The following GABRB1 variants were observed in gnomAD, a reference collection of about 807,000 sequenced individuals.
The protein encoded by GABRB1 is gamma-aminobutyric acid type A receptor subunit beta1, also known as gamma-aminobutyric acid receptor subunit beta-1.
A neutral mutation model predicts 51.6 loss-of-function variants in GABRB1; 17 were observed. The ratio of observed to expected loss-of-function variants is 0.33; its 90% CI spans 0.23 to 0.49. GABRB1 has a LOEUF of 0.49. GABRB1 is among the 20% of genes least tolerant of loss of function. The pLI, the probability that GABRB1 is intolerant of heterozygous loss-of-function variation, is 0.99. For missense variants in GABRB1, 410 were observed against 600.6 expected (o/e 0.68, Z 3.32); for synonymous variants, 247 against 218.9 (o/e 1.13, Z -1.14).
intron 4 of GABRB1, among the ~76,000 whole-genome samples, chr4:47,169,934 C>T (rs1199605197): frequency 6.6e-6 from 1 of 152,146 alleles, no homozygotes; most frequent in Non-Finnish European, 1.5e-5. Flanking sequence ...CACTGCTCAC[C>T]ATTATAGAAA....
chr4:47,406,692 A>G lies in GABRB1; in HGVS notation c.846A>G (p.Thr282=), dbSNP rs6289. The G allele has an allele frequency of 0.3, 478,812 of 1,613,724 alleles. 74,786 individuals are homozygous for G. The highest frequency in any genetic ancestry group is 0.39 in the Middle Eastern group (2,348 of 6,054). The part of the protein sequence containing the change: ...SAARVALGIT[T]VLTMTTISTH... ...CTTTCTCTTTCACAGGAATCACGAC[A>G]GTGCTTACAATGACAACCATCAGCA... The change falls in exon 8 of 9, where the codon ACA becomes ACG. Residue 282 remains threonine (T), a synonymous_variant. Transcript: ENST00000295454.
chr4:47,075,339 G>T lies in GABRB1; in HGVS notation c.240+42855G>T, dbSNP rs543366826. On this transcript the variant is annotated intron_variant, in intron 3 of 8. Transcript: ENST00000295454. ...ATATATACAAATCAGGAGACATACC[G>T]GATGCCGTTACAGTAATTAATTCAG... Among the ~76,000 whole-genome samples, 9 of 152,092 alleles carry T rather than the reference G, an allele frequency of 5.9e-5. 1 individual carries two copies. Among genetic ancestry groups the T allele is most frequent in the Admixed American group, 5.9e-4 (9 of 15,254 alleles).
intron 4 of GABRB1, among the ~76,000 whole-genome samples, chr4:47,177,726 A>G (rs1718759549): frequency 6.6e-6 from 1 of 151,970 alleles, no homozygotes; most frequent in Admixed American, 6.6e-5. Context: ...AACTTCTCTG[A>G]GCCTCAGTTT....
intron 4 of GABRB1, among the ~76,000 whole-genome samples, chr4:47,242,373 A>C (rs62303984): frequency 2.0e-4 from 30 of 152,122 alleles, no homozygotes; most frequent in African/African-American, 7.2e-4. Context: ...TTATAGCAGC[A>C]TGATTTATAA....
intron 4 of GABRB1, among the ~76,000 whole-genome samples, chr4:47,204,537 C>A (rs947875504): frequency 7.9e-5 from 12 of 152,138 alleles, no homozygotes; most frequent in Non-Finnish European, 1.5e-4. Flanking sequence ...TGATTTGGCT[C>A]TGTGTCCCCA....
chr4:47,050,539 A>T (rs1358956195), intron 3 of GABRB1, among the ~76,000 whole-genome samples: 1 of 152,202 alleles, frequency 6.6e-6, no homozygotes, highest in Non-Finnish European at 1.5e-5. Flanking sequence ...CAATGCAAAG[A>T]GTTGAAGGAA....
At chr4:47,270,556 G>A (rs780969583) in intron 4 of GABRB1, among the ~76,000 whole-genome samples, 2 of 152,174 alleles carry the variant, frequency 1.3e-5, no homozygotes, top group African/African-American at 2.4e-5. Context: ...CTAATCAAGT[G>A]CTAGAAGAAT....
intron 8 of GABRB1, among the ~76,000 whole-genome samples, chr4:47,424,311 C>T (rs558084603): frequency 6.6e-6 from 1 of 152,128 alleles, no homozygotes; most frequent in African/African-American, 2.4e-5. Flanking sequence ...AGATTGTTAA[C>T]CGTTCTAAAT....
intron 5 of GABRB1, among the ~76,000 whole-genome samples, chr4:47,375,444 C>T (rs577711052): frequency 2.0e-5 from 3 of 152,276 alleles, no homozygotes; most frequent in Admixed American, 1.3e-4. Context: ...AGTGGGAGAG[C>T]TAGGTCATGC....
chr4:47,189,231 G>T (rs1719325951), intron 4 of GABRB1, among the ~76,000 whole-genome samples: 1 of 151,902 alleles, frequency 6.6e-6, no homozygotes, highest in Admixed American at 6.6e-5. Flanking sequence ...TACTTGGAAA[G>T]TTTTGGAGTG....
intron 4 of GABRB1, among the ~76,000 whole-genome samples, chr4:47,307,531 T>G (rs1419330900): frequency 6.6e-6 from 1 of 152,044 alleles, no homozygotes; most frequent in Non-Finnish European, 1.5e-5. Flanking sequence ...AACACAGGCC[T>G]TATTTTAATT....
chr4:47,068,428 C>G (rs1444147974), intron 3 of GABRB1, among the ~76,000 whole-genome samples: 1 of 152,212 alleles, frequency 6.6e-6, no homozygotes, highest in Non-Finnish European at 1.5e-5. Flanking sequence ...TTTCAACATG[C>G]CTTCCTGGCT....
At chr4:47,419,035 T>C (rs986241831) in intron 8 of GABRB1, among the ~76,000 whole-genome samples, 9 of 152,242 alleles carry the variant, frequency 5.9e-5, no homozygotes, top group Non-Finnish European at 1.0e-4. Context: ...TACAGCTCTC[T>C]TTTTTCTTCA....
chr4:47,379,252 T>C (rs1040563285), intron 5 of GABRB1, among the ~76,000 whole-genome samples: 1 of 152,174 alleles, frequency 6.6e-6, no homozygotes, highest in African/African-American at 2.4e-5. Flanking sequence ...CCACAGATGG[T>C]CCCTGATTGG....
chr4:47,138,018 A>G (rs1364162687), intron 3 of GABRB1, among the ~76,000 whole-genome samples: 2 of 152,112 alleles, frequency 1.3e-5, no homozygotes, highest in Non-Finnish European at 2.9e-5. Flanking sequence ...GTCCAGAAAA[A>G]GTATTGAAAG....
intron 5 of GABRB1, among the ~76,000 whole-genome samples, chr4:47,396,672 C>T (rs984616737): frequency 3.5e-4 from 53 of 152,068 alleles, no homozygotes; most frequent in African/African-American, 1.3e-3. Flanking sequence ...CCAGTAATTC[C>T]TAAGCAATGA....
At chr4:47,233,677 T>A (rs1477654832) in intron 4 of GABRB1, among the ~76,000 whole-genome samples, 3 of 152,188 alleles carry the variant, frequency 2.0e-5, no homozygotes, top group Non-Finnish European at 2.9e-5. Flanking sequence ...TCAGTTCATA[T>A]CACTAGACTG....
intron 4 of GABRB1, among the ~76,000 whole-genome samples, chr4:47,228,433 A>G (rs1721026469): frequency 6.6e-6 from 1 of 152,100 alleles, no homozygotes; most frequent in African/African-American, 2.4e-5. Flanking sequence ...GAAAGAAAAA[A>G]AAATGCTTAC....
chr4:47,372,461 C>T (rs1727229046), intron 5 of GABRB1, among the ~76,000 whole-genome samples: 1 of 152,172 alleles, frequency 6.6e-6, no homozygotes, highest in African/African-American at 2.4e-5. Flanking sequence ...ATCTCCCTTT[C>T]TGATCTTAGA....
Sources: gnomAD v4.1 joint callset for allele counts (sites outside exome capture counted in the v4.1 genomes callset) on GRCh38, gnomAD v4.1.1 for gene constraint, MANE v1.5 for transcripts, NCBI Gene and HGNC (gene_info 2026-07-23, HGNC 2026-07-21) for gene names.